The following ACBD3 variants were observed in gnomAD, a reference collection of about 807,000 sequenced individuals.
The protein encoded by ACBD3 is Golgi resident protein GCP60.
ACBD3 carries 30 observed loss-of-function variants against 66.9 expected under a neutral mutation model. The ratio of observed to expected loss-of-function variants is 0.45; its 90% CI spans 0.34 to 0.61. The LOEUF (loss-of-function observed/expected upper bound fraction) is 0.61, where lower values mean the gene tolerates loss of function less well. Among genes scored for constraint, ACBD3 ranks in the 20% least tolerant of loss-of-function variants. The pLI is 0.02. For synonymous variants in ACBD3, 278 were observed against 259.8 expected, an observed-to-expected ratio of 1.07 and a Z score of -0.68; for missense variants, 544 against 664.5, an observed-to-expected ratio of 0.82 and a Z score of 1.99.
At chr1:226,163,897 G>C (rs1273897888) in intron 3 of ACBD3, among the ~76,000 whole-genome samples, 3 of 152,064 alleles carry the variant, frequency 2.0e-5, no homozygotes, top group African/African-American at 7.2e-5. Context: ...CAGGCGGGTG[G>C]ATCACCTGAG....
intron 1 of ACBD3, among the ~76,000 whole-genome samples, chr1:226,166,328 A>G (rs1374623119): frequency 2.0e-5 from 3 of 151,520 alleles, no homozygotes; most frequent in Non-Finnish European, 2.9e-5. Context: ...CTTTTGGCAG[A>G]GACAGGGCTG....
intron 1 of ACBD3, among the ~76,000 whole-genome samples, chr1:226,183,580 CCACCAGAAAAATCCA>C (rs1269932929): frequency 6.6e-6 from 1 of 152,140 alleles, no homozygotes; most frequent in African/African-American, 2.4e-5. Context: ...ACCATGTGTT[CCACCAGAAAAATCCA>C]CACATTAAAA....
intron 7 of ACBD3, among the ~76,000 whole-genome samples, chr1:226,149,434 C>T (rs1389708826): frequency 6.7e-6 from 1 of 149,334 alleles, no homozygotes; most frequent in Non-Finnish European, 1.5e-5. Flanking sequence ...ACCATGTTGG[C>T]CAGGCTGGTC....
intron 1 of ACBD3, among the ~76,000 whole-genome samples, chr1:226,183,540 G>A (rs1022757326): frequency 5.3e-5 from 8 of 152,052 alleles, no homozygotes; most frequent in African/African-American, 1.4e-4. Context: ...ATAGAATAGC[G>A]ATTAAAAGTC....
At position 226,154,824 on chromosome 1, in the gene ACBD3, G is replaced by C; in HGVS notation, c.913C>G (p.Gln305Glu). 6.2e-7 allele frequency: 1 copy of C among 1,603,182 alleles called. No homozygotes were observed. The highest frequency in any genetic ancestry group is 1.1e-5 in the South Asian group (1 of 89,226). ...VQLAQQQAAL[Q>E]KQQEVVVAGS... ...GCCACTACTACTTCCTGTTGTTTCT[G>C]TAATGCTGCCTACAAACCAAGAGAA... Residue 305 changes from glutamine (Q) to glutamate (E), a missense_variant, in exon 6 of 8, where the codon CAG becomes GAG. Physicochemically the swap from Gln to Glu is conservative, Grantham distance 29. Transcript: ENST00000366812.
chr1:226,176,142 T>C (rs528268136), intron 1 of ACBD3, among the ~76,000 whole-genome samples: 24 of 152,224 alleles, frequency 1.6e-4, no homozygotes, highest in African/African-American at 5.1e-4. Context: ...AAACAAAAGC[T>C]TGCGGCTGGG....
chr1:226,170,315 G>A (rs1212978401), intron 1 of ACBD3, among the ~76,000 whole-genome samples: 24 of 142,264 alleles, frequency 1.7e-4, no homozygotes, highest in African/African-American at 5.5e-4. Context: ...CCGCCACCAC[G>A]CCCAGCTAAT....
intron 1 of ACBD3, among the ~76,000 whole-genome samples, chr1:226,182,639 C>T (rs1656197470): frequency 6.6e-6 from 1 of 152,074 alleles, no homozygotes; most frequent in South Asian, 2.1e-4. Context: ...CAATGGCATG[C>T]AAGTCCTTCC....
chr1:226,155,327 G>A (rs1470630911), intron 5 of ACBD3, among the ~76,000 whole-genome samples: 1 of 150,912 alleles, frequency 6.6e-6, no homozygotes, highest in Non-Finnish European at 1.5e-5. Context: ...TGAGGCAGGA[G>A]AATCGCTTGA....
chr1:226,181,941 G>C (rs1656178786), intron 1 of ACBD3, among the ~76,000 whole-genome samples: 1 of 152,132 alleles, frequency 6.6e-6, no homozygotes, highest in Admixed American at 6.6e-5. Flanking sequence ...ATAGAACTGG[G>C]CAACTCTGGC....
intron 7 of ACBD3, among the ~76,000 whole-genome samples, chr1:226,151,414 G>C (rs909276945): frequency 6.6e-6 from 1 of 152,124 alleles, no homozygotes; most frequent in Non-Finnish European, 1.5e-5. Context: ...CAAAAATAAA[G>C]AGACCCTCTT....
intron 6 of ACBD3, among the ~76,000 whole-genome samples, chr1:226,153,580 G>A (rs181720752): frequency 5.1e-4 from 77 of 152,118 alleles, no homozygotes; most frequent in Admixed American, 4.8e-3. Flanking sequence ...CTCCATCACC[G>A]TACTTATCAC....
rs1373160245 is a variant in ACBD3, at chr1:226,186,335, C to T, written c.286+55G>A. 4 of 1,462,832 alleles carry T rather than the reference C, an allele frequency of 2.7e-6. No homozygotes were observed. In the East Asian group the frequency reaches 1.2e-4, roughly 43 times the overall value. 90.6% of individuals were successfully genotyped at this position (1,462,832 alleles called of 1,614,324 possible). ...CAGTCACCCTGGGGACCACAGCCCA[C>T]GCCGGGCTCCCGGGGCCGGGCAGAA... On this transcript the variant is annotated intron_variant, in intron 1 of 7. Coordinates refer to ENST00000366812, the MANE Select transcript of ACBD3 (RefSeq NM_022735.4).
intron 5 of ACBD3, among the ~76,000 whole-genome samples, chr1:226,157,125 A>G (rs12140038): frequency 0.64 from 96,644 of 152,106 alleles, 30,955 homozygotes; most frequent in African/African-American, 0.7. Flanking sequence ...ATAAAAATTA[A>G]TATTTTATAG....
chr1:226,168,180 T>G lies in ACBD3; in HGVS notation c.287-2180A>C, dbSNP rs569615146. 3.3e-5 allele frequency among the ~76,000 whole-genome samples: 5 copies of G among 152,334 alleles called. 1 individual carries two copies. The South Asian group carries it at 1.0e-3, about 32-fold the overall frequency. On this transcript the variant is annotated intron_variant, in intron 1 of 7. Transcript: ENST00000366812. The stretch of plus-strand genomic sequence containing the variant: ...ACTGTATTATATTTGTATATTGTAA[T>G]TATATAACAATATACAACAACAAGT...
At chr1:226,179,511 T>G (rs531314272) in intron 1 of ACBD3, among the ~76,000 whole-genome samples, 53 of 152,314 alleles carry the variant, frequency 3.5e-4, no homozygotes, top group Non-Finnish European at 5.1e-4. Flanking sequence ...CATGGCCATA[T>G]CACACTGTTG....
chr1:226,161,751 A>ACTCCCTCTCCCTCTCCC, intron 3 of ACBD3, 62 bp from the exon 4 acceptor site: 1 of 1,493,144 alleles, frequency 6.7e-7, no homozygotes, highest in Non-Finnish European at 8.9e-7. Flanking sequence ...ATAAAACTTT[A>ACTCCCTCTCCCTCTCCC]GCTCCCAGGG....
intron 5 of ACBD3, among the ~76,000 whole-genome samples, chr1:226,158,083 C>T (rs1419643014): frequency 6.6e-6 from 1 of 152,200 alleles, no homozygotes; most frequent in Admixed American, 6.5e-5. Flanking sequence ...TCTGGTTTGG[C>T]ATCTTTTCCT....
rs1659843413 is a variant in ACBD3, at chr1:226,164,899, A to G, written c.459T>C (p.Ser153=). Residue 153 remains serine (S), a synonymous_variant, in exon 3 of 8, where the codon TCT becomes TCC. Transcript: ENST00000366812. ...CAAACTCCACCATGGCATCCTCTTT[A>G]GACATGTTTCCCAGGGCTGCCCATT... ...RREWAALGNM[S]KEDAMVEFVK... is the part of the protein sequence containing the mutation. The G allele has an allele frequency of 1.9e-6, 3 of 1,602,870 alleles. No homozygotes were observed. The highest frequency in any genetic ancestry group is 1.7e-6 in the Non-Finnish European group (2 of 1,174,624).
Sources: gnomAD v4.1 joint callset for allele counts (sites outside exome capture counted in the v4.1 genomes callset) on GRCh38, gnomAD v4.1.1 for gene constraint, MANE v1.5 for transcripts, NCBI Gene and HGNC (gene_info 2026-07-23, HGNC 2026-07-21) for gene names.